NRP2: variants seen among roughly 807,000 people sequenced by gnomAD.
NRP2 encodes the protein neuropilin 2, also known as neuropilin-2.
Under a neutral mutation model 110.4 loss-of-function variants are expected in NRP2, and 52 were observed. The observed-to-expected ratio is 0.47, with a 90% CI of 0.38 to 0.59. The LOEUF (loss-of-function observed/expected upper bound fraction) is 0.59. NRP2 is among the 20% of genes least tolerant of loss of function. The pLI is 0.00. For missense variants in NRP2, 1,049 were observed against 1,203.0 expected (o/e 0.87, Z 1.89); for synonymous variants, 508 against 468.9 (o/e 1.08, Z -1.08).
intron 15 of NRP2, among the ~76,000 whole-genome samples, chr2:205,782,764 C>T (rs962497949): frequency 6.6e-6 from 1 of 152,030 alleles, no homozygotes; most frequent in Non-Finnish European, 1.5e-5. Context: ...CTACCCCATC[C>T]TTTATATCTG....
chr2:205,693,228 T>C (rs962585373), intron 1 of NRP2, among the ~76,000 whole-genome samples: 3 of 152,226 alleles, frequency 2.0e-5, no homozygotes, highest in Non-Finnish European at 2.9e-5. Context: ...GACCGATTGC[T>C]TTTCTCCACT....
rs1454274365 is a variant in NRP2 at position 205,699,561 on chromosome 2, G to A, written c.251+1840G>A. ...AGCTAGTAAGCATGGCTTAAAACATGTTGGGAAGGACGAAAGGCCAGAAAG... is the reference window on the plus strand; with the variant it reads ...AGCTAGTAAGCATGGCTTAAAACATATTGGGAAGGACGAAAGGCCAGAAAG... On this transcript the variant is annotated intron_variant, in intron 2 of 16. Transcript: ENST00000357785. Among the ~76,000 whole-genome samples the A allele has an allele frequency of 2.6e-5, 4 of 152,334 alleles. 1 individual carries two copies. Among genetic ancestry groups the A allele is most frequent in the African/African-American group, 9.6e-5 (4 of 41,576 alleles).
At chr2:205,766,076 C>T (rs1440766901) in intron 14 of NRP2, among the ~76,000 whole-genome samples, 1 of 152,132 alleles carries the variant, frequency 6.6e-6, no homozygotes, top group Non-Finnish European at 1.5e-5. Flanking sequence ...TTCTTTAAAA[C>T]GAATACCTCT....
rs995677164 is a variant in NRP2 at position 205,745,807 on chromosome 2, C to T, written c.1703C>T (p.Ala568Val). The change falls in exon 10 of 17, where the codon GCA becomes GTA. Residue 568 changes from alanine (A) to valine (V), a missense_variant. Transcript: ENST00000357785. Reference sequence around the variant, plus strand: ...ATCCGAAGGTTTGACCCCATTCCGGCACAGTATGTGCGGGTATACCCGGAG... The same window carrying T: ...ATCCGAAGGTTTGACCCCATTCCGGTACAGTATGTGCGGGTATACCCGGAG... Reference protein sequence around the residue: ...PDIRRFDPIPAQYVRVYPERW... With the variant: ...PDIRRFDPIPVQYVRVYPERW... 1 of 1,614,208 alleles carries T rather than the reference C, an allele frequency of 6.2e-7. No homozygotes were observed. The highest frequency in any genetic ancestry group is 8.5e-7 in the Non-Finnish European group (1 of 1,180,024).
In NRP2 at chr2:205,767,289, GCCTGCAGTCAGTA is replaced by G. The variant is rs1243127527; in HGVS notation, c.2425+497_2425+509del. On this transcript the variant is annotated intron_variant, in intron 15 of 16. Transcript: ENST00000357785. ...CAGAGCCGAGGGGCTTCTGTGTACA[GCCTGCAGTCAGTA>G]CCTGCAGTCACCATACCTCAGTGAG... 5 of 413,964 alleles carry G rather than the reference GCCTGCAGTCAGTA, an allele frequency of 1.2e-5. No individual in the cohort carries two copies. In the East Asian group the frequency reaches 3.7e-4, roughly 31 times the overall value. The allele number at this position is 413,964 out of a possible 1,614,324, so 25.6% of individuals were successfully genotyped here.
At chr2:205,712,490 A>G (rs2056818524) in intron 2 of NRP2, among the ~76,000 whole-genome samples, 1 of 152,144 alleles carries the variant, frequency 6.6e-6, no homozygotes, top group Non-Finnish European at 1.5e-5. Flanking sequence ...TGGATATTAG[A>G]CACTAGATGC....
chr2:205,743,293 G>C lies in NRP2; in HGVS notation c.1382G>C (p.Ser461Thr), dbSNP rs530582033. Residue 461 changes from serine to threonine, a missense_variant, in exon 9 of 17, where the codon AGC becomes ACC. Physicochemically the swap from Ser to Thr is moderately conservative, Grantham distance 58. Transcript: ENST00000357785. ...TCTTCCACCCAGGAATACCTCTGGAGCCCCAGTGCAGCCCGCCTGGTTAGC... is the reference window on the plus strand; with the variant it reads ...TCTTCCACCCAGGAATACCTCTGGACCCCCAGTGCAGCCCGCCTGGTTAGC... ...SASSTQEYLW[S>T]PSAARLVSSR... 1.3e-5 allele frequency: 21 copies of C among 1,614,154 alleles called. No individual in the cohort carries two copies. Among genetic ancestry groups the C allele is most frequent in the Non-Finnish European group, 1.8e-5 (21 of 1,180,004 alleles).
At chr2:205,792,437 A>G (rs906247465) in intron 16 of NRP2, 152 bp downstream of exon 16, 20 of 649,808 alleles carry the variant, frequency 3.1e-5, no homozygotes, top group Admixed American at 1.5e-4. Flanking sequence ...TGAGGGAACC[A>G]TCAATGGATC....
chr2:205,745,672 G>A, intron 9 of NRP2, 74 bp from the exon 10 acceptor site: 3 of 1,582,054 alleles, frequency 1.9e-6, no homozygotes, highest in African/African-American at 2.7e-5. Context: ...GGGAGGAGAA[G>A]GGGAAGGAAA....
At chr2:205,745,453 C>G (rs1196753168) in intron 9 of NRP2, among the ~76,000 whole-genome samples, 2 of 152,200 alleles carry the variant, frequency 1.3e-5, no homozygotes, top group African/African-American at 4.8e-5. Context: ...CAAATTCTTC[C>G]CCAGATACTC....
chr2:205,765,648 C>T (rs1180606916), intron 14 of NRP2, 78 bp downstream of exon 14: 2 of 1,254,178 alleles, frequency 1.6e-6, no homozygotes, highest in African/African-American at 1.5e-5. Context: ...AGGCAGGACA[C>T]CATTTTCCAA....
chr2:205,749,732 GCCCACGGTAGAGACGCTGGGA>G lies in NRP2; in HGVS notation c.1800_1820del (p.Glu602_Val608del), dbSNP rs1366708081. 1.2e-6 allele frequency: 2 copies of G among 1,613,856 alleles called. No individual in the cohort carries two copies. Among genetic ancestry groups the G allele is most frequent in the African/African-American group, 2.7e-5 (2 of 74,924 alleles). ...TCCTTTGCCCTTACACAGACTCCAA[GCCCACGGTAGAGACGCTGGGA>G]CCCACTGTGAAGAGCGAAGAGACAA... is the stretch of plus-strand genomic sequence containing the variant. On this transcript the variant is annotated inframe_deletion, in exon 11 of 17. Coordinates refer to ENST00000357785, the MANE Select transcript of NRP2 (RefSeq NM_003872.3).
chr2:205,743,381 A>G lies in NRP2; in HGVS notation c.1470A>G (p.Val490=), dbSNP rs779286867. Residue 490 remains valine, a synonymous_variant, in exon 9 of 17, where the codon GTA becomes GTG. Transcript: ENST00000357785. ...AGCCCGGTGAGGAGTGGCTTCAGGT[A>G]GATCTGGGAACACCCAAGACAGTGA... ...QAQPGEEWLQ[V]DLGTPKTVKG... The G allele has an allele frequency of 6.2e-7, 1 of 1,614,244 alleles. No individual in the cohort carries two copies. The highest frequency in any genetic ancestry group is 1.7e-5 in the Admixed American group (1 of 60,028).
intron 12 of NRP2, among the ~76,000 whole-genome samples, chr2:205,754,739 G>T (rs951293121): frequency 6.6e-6 from 1 of 152,310 alleles, no homozygotes; most frequent in South Asian, 2.1e-4. Context: ...TGTGGGGTCT[G>T]TGTAGGTGTG....
At chr2:205,761,936 C>T (rs1038226114) in intron 12 of NRP2, 2 of 152,136 alleles carry the variant, frequency 1.3e-5, no homozygotes, top group Non-Finnish European at 2.9e-5. Context: ...ACCTGTAAAG[C>T]ATTATGCAAG....
chr2:205,792,208 CTTGTTT>C, intron 15 of NRP2, 21 bp from the exon 16 acceptor site: 1 of 1,496,354 alleles, frequency 6.7e-7, no homozygotes, highest in Non-Finnish European at 9.3e-7. Flanking sequence ...TTGTTATTAA[CTTGTTT>C]TTATTTTCTT....
intron 12 of NRP2, among the ~76,000 whole-genome samples, chr2:205,755,610 G>GAAAAAA (rs58417592): frequency 6.8e-6 from 1 of 147,352 alleles, no homozygotes. Context: ...TCTCCATAGG[G>GAAAAAA]AAAAAAAAAA....
chr2:205,791,528 T>C (rs1219728304), intron 15 of NRP2, among the ~76,000 whole-genome samples: 2 of 152,174 alleles, frequency 1.3e-5, no homozygotes, highest in Non-Finnish European at 2.9e-5. Flanking sequence ...CAAATTATCA[T>C]GAAAAAGAAA....
intron 10 of NRP2, among the ~76,000 whole-genome samples, chr2:205,748,514 C>A (rs2057581789): frequency 1.3e-5 from 2 of 152,178 alleles, no homozygotes; most frequent in Non-Finnish European, 2.9e-5. Flanking sequence ...GCAGACACAG[C>A]AAAGGGAAGT....
Sources: allele counts gnomAD v4.1 joint callset (sites outside exome capture counted in the v4.1 genomes callset), GRCh38; gene constraint gnomAD v4.1.1; transcripts MANE v1.5; gene names NCBI Gene and HGNC (gene_info 2026-07-23, HGNC 2026-07-21).